The following SEMA6D variants were observed in gnomAD, a reference collection of about 807,000 sequenced individuals.
SEMA6D encodes the protein semaphorin-6D.
SEMA6D carries 35 observed loss-of-function variants against 106.6 expected under a neutral mutation model. The ratio of observed to expected loss-of-function variants is 0.33; its 90% CI spans 0.25 to 0.44. The LOEUF is 0.44. Ranked by LOEUF, SEMA6D falls within the 20% of genes least tolerant of loss-of-function variation. The pLI is 1.00. For synonymous variants in SEMA6D, 499 were observed against 487.7 expected (o/e 1.02, Z -0.31); for missense variants, 1,185 against 1,345.9 (o/e 0.88, Z 1.87).
chr15:47,752,909 T>A (rs1332099392), intron 1 of SEMA6D, among the ~76,000 whole-genome samples: 1 of 151,540 alleles, frequency 6.6e-6, no homozygotes, highest in Non-Finnish European at 1.5e-5. Flanking sequence ...CTTTGGAGGC[T>A]GAGGCAGGAG....
At chr15:47,597,639 T>C (rs1477711765) in intron 3 of SEMA6D, among the ~76,000 whole-genome samples, 1 of 151,878 alleles carries the variant, frequency 6.6e-6, no homozygotes, top group Admixed American at 6.6e-5. Context: ...TTACATGTTC[T>C]CACTTATATA....
intron 1 of SEMA6D, among the ~76,000 whole-genome samples, chr15:47,741,057 TAAAATA>T (rs909386357): frequency 1.2e-4 from 19 of 152,336 alleles, no homozygotes; most frequent in Admixed American, 1.1e-3. Flanking sequence ...GCTTATGTCT[TAAAATA>T]ACAATCATAA....
chr15:47,702,545 T>C (rs2078833124), intron 4 of SEMA6D, among the ~76,000 whole-genome samples: 1 of 152,236 alleles, frequency 6.6e-6, no homozygotes, highest in African/African-American at 2.4e-5. Flanking sequence ...TGAAAACTTA[T>C]GTCCACGCAA....
At chr15:47,494,751 T>G (rs1490019801) in intron 3 of SEMA6D, among the ~76,000 whole-genome samples, 34 of 65,626 alleles carry the variant, frequency 5.2e-4, no homozygotes, top group Middle Eastern at 6.6e-3. Flanking sequence ...GATATATATA[T>G]ATATATATAT....
intron 3 of SEMA6D, among the ~76,000 whole-genome samples, chr15:47,481,225 G>A (rs1190527477): frequency 1.3e-5 from 2 of 152,030 alleles, no homozygotes; most frequent in Non-Finnish European, 2.9e-5. Flanking sequence ...GATTTAGAGA[G>A]ACCTTTTTGA....
intron 1 of SEMA6D, among the ~76,000 whole-genome samples, chr15:47,251,745 C>G (rs1274873546): frequency 6.6e-6 from 1 of 151,948 alleles, no homozygotes; most frequent in Non-Finnish European, 1.5e-5. Flanking sequence ...GTTATTATAG[C>G]TATTCTGATA....
At chr15:47,267,644 T>C (rs918619400) in intron 1 of SEMA6D, among the ~76,000 whole-genome samples, 5 of 152,146 alleles carry the variant, frequency 3.3e-5, no homozygotes, top group Non-Finnish European at 5.9e-5. Flanking sequence ...GTTAAAAGAA[T>C]TTTAGATATC....
In SEMA6D at chr15:47,198,314, G is replaced by A. The variant is rs182606012; in HGVS notation, c.-239+13896G>A. On this transcript the variant is annotated intron_variant, in intron 1 of 19. Transcript: ENST00000558014. ...TGAATTCTTGAAAATTGCTGTGGGC[G>A]GATTTTGTGTTCTCACTACAAAATA... 5.9e-5 allele frequency among the ~76,000 whole-genome samples: 9 copies of A among 152,110 alleles called. No homozygotes were observed. The East Asian group carries it at 1.2e-3, about 20-fold the overall frequency.
chr15:47,323,436 G>A (rs2037004148), intron 1 of SEMA6D, among the ~76,000 whole-genome samples: 2 of 152,146 alleles, frequency 1.3e-5, no homozygotes, highest in Admixed American at 1.3e-4. Flanking sequence ...CATCTGTAAG[G>A]CTGAGTCCAG....
intron 1 of SEMA6D, among the ~76,000 whole-genome samples, chr15:47,317,849 AT>A (rs1416138719): frequency 6.6e-6 from 1 of 151,950 alleles, no homozygotes; most frequent in African/African-American, 2.4e-5. Context: ...TTAGGCACTT[AT>A]GTTGTTTGCT....
At chr15:47,540,287 C>G (rs1415730581) in intron 3 of SEMA6D, among the ~76,000 whole-genome samples, 2 of 152,092 alleles carry the variant, frequency 1.3e-5, no homozygotes, top group Middle Eastern at 3.2e-3. Flanking sequence ...GAAAGACCTA[C>G]TTTAAACAGG....
At chr15:47,283,080 C>T (rs769453486) in intron 1 of SEMA6D, among the ~76,000 whole-genome samples, 1 of 152,112 alleles carries the variant, frequency 6.6e-6, no homozygotes, top group South Asian at 2.1e-4. Context: ...TTCTCAAAGG[C>T]CAGACTGTTG....
intron 3 of SEMA6D, among the ~76,000 whole-genome samples, chr15:47,572,113 G>A (rs2046400510): frequency 6.6e-6 from 1 of 152,160 alleles, no homozygotes; most frequent in South Asian, 2.1e-4. Context: ...AGGCAGTACA[G>A]GTTTCTGAAA....
At chr15:47,472,021 A>T (rs903308571) in intron 3 of SEMA6D, among the ~76,000 whole-genome samples, 1 of 151,804 alleles carries the variant, frequency 6.6e-6, no homozygotes, top group Non-Finnish European at 1.5e-5. Context: ...ATGGAGGGAG[A>T]GAAAAGAGAA....
intron 2 of SEMA6D, among the ~76,000 whole-genome samples, chr15:47,421,338 A>G (rs527668878): frequency 1.1e-4 from 17 of 152,256 alleles, no homozygotes; most frequent in East Asian, 9.7e-4. Flanking sequence ...CTTACCAGCT[A>G]TACAATGCTG....
chr15:47,730,737 T>G (rs2080066836), intron 1 of SEMA6D: 2 of 1,602,564 alleles, frequency 1.2e-6, no homozygotes, highest in Non-Finnish European at 1.7e-6. Context: ...AGAGTATAGC[T>G]CTCTGCCGCT....
chr15:47,385,623 C>G (rs998956709), intron 1 of SEMA6D, among the ~76,000 whole-genome samples: 1 of 152,086 alleles, frequency 6.6e-6, no homozygotes, highest in Non-Finnish European at 1.5e-5. Flanking sequence ...CTTTTTATAT[C>G]TGCTTACTCC....
intron 1 of SEMA6D, among the ~76,000 whole-genome samples, chr15:47,731,092 A>C (rs2080091341): frequency 6.6e-6 from 1 of 152,164 alleles, no homozygotes; most frequent in African/African-American, 2.4e-5. Context: ...CAACTTCTCA[A>C]ATTTATTATT....
At chr15:47,278,853 C>A (rs1305010365) in intron 1 of SEMA6D, among the ~76,000 whole-genome samples, 1 of 146,882 alleles carries the variant, frequency 6.8e-6, no homozygotes, top group Non-Finnish European at 1.5e-5. Context: ...TTTCCCAGCA[C>A]CATTTATTAA....
Sources: gnomAD v4.1 joint callset for allele counts (sites outside exome capture counted in the v4.1 genomes callset) on GRCh38, gnomAD v4.1.1 for gene constraint, MANE v1.5 for transcripts, NCBI Gene and HGNC (gene_info 2026-07-23, HGNC 2026-07-21) for gene names.